EHBP1: variants seen among roughly 807,000 people sequenced by gnomAD.
EHBP1 encodes EH domain-binding protein 1.
EHBP1 carries 55 observed loss-of-function variants against 144.0 expected under a neutral mutation model. That is an observed-to-expected ratio of 0.38 (90% CI 0.31 to 0.48). EHBP1 has a LOEUF of 0.48. Ranked by LOEUF, EHBP1 falls within the 20% of genes least tolerant of loss-of-function variation. The pLI is 0.98. For synonymous variants in EHBP1, 469 were observed against 472.7 expected (o/e 0.99, Z 0.10); for missense variants, 1,200 against 1,364.2 (o/e 0.88, Z 1.90).
At chr2:62,992,918 A>T (rs906791322) in intron 16 of EHBP1, among the ~76,000 whole-genome samples, 3 of 152,240 alleles carry the variant, frequency 2.0e-5, no homozygotes, top group Non-Finnish European at 4.4e-5. Flanking sequence ...TGTTTGGTAC[A>T]CAGCACCTCG....
chr2:62,837,905 C>G (rs1427172116), intron 7 of EHBP1, among the ~76,000 whole-genome samples: 3 of 146,674 alleles, frequency 2.0e-5, no homozygotes, highest in Non-Finnish European at 3.0e-5. Flanking sequence ...ACTTTAACAC[C>G]CCACTGTCAA....
At chr2:62,881,715 A>C (rs1250502715) in intron 10 of EHBP1, 2 of 152,186 alleles carry the variant, frequency 1.3e-5, no homozygotes, top group Non-Finnish European at 2.9e-5. Flanking sequence ...TGATGACTAC[A>C]TGGAAAGGTA....
At chr2:62,748,308 G>C (rs562651854) in intron 3 of EHBP1, among the ~76,000 whole-genome samples, 2 of 152,080 alleles carry the variant, frequency 1.3e-5, no homozygotes, top group South Asian at 4.1e-4. Context: ...TTTGTTTGTG[G>C]GGAGTGGAAC....
intron 15 of EHBP1, among the ~76,000 whole-genome samples, chr2:62,982,422 G>C (rs1213609707): frequency 6.6e-6 from 1 of 152,180 alleles, no homozygotes. Context: ...CTGGCCTGTA[G>C]TTTGCTCACC....
intron 10 of EHBP1, among the ~76,000 whole-genome samples, chr2:62,934,660 G>C (rs1233910928): frequency 6.6e-6 from 1 of 152,190 alleles, no homozygotes; most frequent in Non-Finnish European, 1.5e-5. Flanking sequence ...ACAGGATCTT[G>C]TAGCAGCCCA....
intron 5 of EHBP1, among the ~76,000 whole-genome samples, chr2:62,774,325 C>T (rs1261131852): frequency 1.3e-5 from 2 of 150,100 alleles, no homozygotes; most frequent in African/African-American, 2.5e-5. Context: ...GAGCCAAGAT[C>T]GTGCTACTGC....
At chr2:62,876,412 T>G (rs557997021) in intron 10 of EHBP1, among the ~76,000 whole-genome samples, 54 of 152,302 alleles carry the variant, frequency 3.5e-4, no homozygotes, top group Admixed American at 3.3e-3. Context: ...ATAAATTTCT[T>G]TTCAGAAAAG....
chr2:62,969,807 C>T (rs904869452), intron 14 of EHBP1, among the ~76,000 whole-genome samples: 2 of 152,080 alleles, frequency 1.3e-5, no homozygotes, highest in African/African-American at 2.4e-5. Context: ...ATCAGGCCAT[C>T]CCCAGAGAAA....
chr2:62,728,653 A>G (rs532096661), intron 2 of EHBP1, among the ~76,000 whole-genome samples: 2 of 151,232 alleles, frequency 1.3e-5, no homozygotes, highest in Admixed American at 1.3e-4. Context: ...CTTATCAGGT[A>G]TGTGATTTGC....
chr2:62,753,510 G>A (rs576909205), intron 3 of EHBP1, among the ~76,000 whole-genome samples: 3 of 152,066 alleles, frequency 2.0e-5, no homozygotes, highest in African/African-American at 7.2e-5. Flanking sequence ...GAGTGTCTTT[G>A]TGGCGTTCTC....
In EHBP1 at chr2:62,835,912, G is replaced by T. The variant is rs1469934422; in HGVS notation, c.634+4754G>T. 5.9e-5 allele frequency among the ~76,000 whole-genome samples: 9 copies of T among 152,238 alleles called. 1 individual carries two copies. In the South Asian group the frequency reaches 1.9e-3, roughly 32 times the overall value. On this transcript the variant is annotated intron_variant, in intron 7 of 22. Transcript: ENST00000431489. ...AACTGCAAGGTGGCAGCGAGGCTGG[G>T]GGAGGGGCGCCCGCCATTGCCCAGG...
intron 1 of EHBP1, among the ~76,000 whole-genome samples, chr2:62,700,497 T>C (rs2034247719): frequency 6.6e-6 from 1 of 152,174 alleles, no homozygotes; most frequent in African/African-American, 2.4e-5. Flanking sequence ...CTTAGAGTTC[T>C]AATATTCATC....
At chr2:62,809,959 A>G (rs1422675257) in intron 5 of EHBP1, among the ~76,000 whole-genome samples, 2 of 152,246 alleles carry the variant, frequency 1.3e-5, no homozygotes, top group African/African-American at 4.8e-5. Context: ...AAAGGGACAT[A>G]CATGTTTAAT....
chr2:62,784,948 A>G (rs1382888706), intron 5 of EHBP1, among the ~76,000 whole-genome samples: 3 of 152,308 alleles, frequency 2.0e-5, no homozygotes, highest in East Asian at 3.9e-4. Context: ...CCAGTAAGCT[A>G]TCAGGAAGCA....
At chr2:62,764,507 A>C (rs992287298) in intron 4 of EHBP1, 146 bp downstream of exon 4, 25 of 490,062 alleles carry the variant, frequency 5.1e-5, no homozygotes, top group Non-Finnish European at 8.4e-5. Context: ...AATTTATAAC[A>C]ATGCAAAGGA....
chr2:62,787,720 T>C (rs1421004392), intron 5 of EHBP1, among the ~76,000 whole-genome samples: 1 of 152,166 alleles, frequency 6.6e-6, no homozygotes, highest in African/African-American at 2.4e-5. Flanking sequence ...AATAAGCTAT[T>C]GTGCCAAAGG....
chr2:62,850,100 A>G (rs1170897992), intron 7 of EHBP1, among the ~76,000 whole-genome samples: 1 of 152,230 alleles, frequency 6.6e-6, no homozygotes, highest in East Asian at 1.9e-4. Flanking sequence ...AGGAGATGCT[A>G]GTATCCTAAA....
chr2:62,891,755 G>A (rs989172830), intron 10 of EHBP1, among the ~76,000 whole-genome samples: 3 of 152,014 alleles, frequency 2.0e-5, no homozygotes, highest in Non-Finnish European at 4.4e-5. Context: ...TGCATATAGC[G>A]AGGCCGTTTC....
At chr2:62,788,751 C>T (rs946884908) in intron 5 of EHBP1, among the ~76,000 whole-genome samples, 1 of 152,152 alleles carries the variant, frequency 6.6e-6, no homozygotes, top group Non-Finnish European at 1.5e-5. Flanking sequence ...TTAACAGAAA[C>T]CTATATTTAA....
Sources: allele counts gnomAD v4.1 joint callset (sites outside exome capture counted in the v4.1 genomes callset), GRCh38; gene constraint gnomAD v4.1.1; transcripts MANE v1.5; gene names NCBI Gene and HGNC (gene_info 2026-07-23, HGNC 2026-07-21).